Variants in CYSLTR2 observed in about 807,000 individuals in gnomAD.
CYSLTR2 encodes G-protein coupled receptor GPCR21.
For synonymous variants in CYSLTR2, 179 were observed against 160.8 expected (o/e 1.11, Z -0.86); for missense variants, 398 against 411.9 (o/e 0.97, Z 0.29).
rs1566111128 is a variant in CYSLTR2 at position 48,707,722 on chromosome 13, C to T, written c.905C>T (p.Pro302Leu). 2 of 1,612,606 alleles carry T rather than the reference C, an allele frequency of 1.2e-6. No individual in the cohort carries two copies. The highest frequency in any genetic ancestry group is 1.7e-6 in the Non-Finnish European group (2 of 1,178,964). ...GCAGCAGCCAATGCCTGCTTCAATC[C>T]TCTGCTCTATTACTTTGCTGGGGAG... ...ALAAANACFN[P>L]LLYYFAGENF... Residue 302 changes from proline (P) to leucine (L), a missense_variant, in exon 5 of 5, where the codon CCT becomes CTT. Coordinates refer to ENST00000682523, the MANE Select transcript of CYSLTR2 (RefSeq NM_001308476.3).
At position 48,676,906 on chromosome 13, in the gene CYSLTR2, G is replaced by A. The variant is rs866925324; in HGVS notation, c.-265-14306G>A. On this transcript the variant is annotated intron_variant, in intron 1 of 4. Coordinates refer to ENST00000682523, the MANE Select transcript of CYSLTR2 (RefSeq NM_001308476.3). ...GAAAATTCTTTGCAAACTATAAGAC[G>A]AAAATATGGGCTGTCAAAAGGCATA... Among the ~76,000 whole-genome samples the A allele has an allele frequency of 3.3e-5, 5 of 152,274 alleles. 1 individual carries two copies. The highest frequency in any genetic ancestry group is 6.8e-3 in the Middle Eastern group (2 of 294).
intron 3 of CYSLTR2, among the ~76,000 whole-genome samples, chr13:48,693,895 A>T (rs573865275): frequency 1.3e-5 from 2 of 152,344 alleles, no homozygotes; most frequent in African/African-American, 4.8e-5. Flanking sequence ...AAAGTAAACC[A>T]TCGTGTTTAT....
intron 1 of CYSLTR2, among the ~76,000 whole-genome samples, chr13:48,654,891 C>G (rs532549108): frequency 6.6e-6 from 1 of 152,110 alleles, no homozygotes; most frequent in Non-Finnish European, 1.5e-5. Flanking sequence ...AACAGATGAC[C>G]TAGGTCATTC....
intron 1 of CYSLTR2, among the ~76,000 whole-genome samples, chr13:48,672,521 T>G (rs1376539269): frequency 1.3e-5 from 2 of 152,114 alleles, no homozygotes; most frequent in Non-Finnish European, 2.9e-5. Flanking sequence ...TATTTCTGCC[T>G]TAATTTCATT....
At chr13:48,701,285 A>C (rs1954338966) in intron 4 of CYSLTR2, among the ~76,000 whole-genome samples, 1 of 152,222 alleles carries the variant, frequency 6.6e-6, no homozygotes, top group African/African-American at 2.4e-5. Context: ...CAAAACAGAG[A>C]TATAGACCAA....
chr13:48,694,073 A>G (rs972641145), intron 3 of CYSLTR2, among the ~76,000 whole-genome samples: 8 of 152,322 alleles, frequency 5.3e-5, no homozygotes, highest in African/African-American at 1.9e-4. Flanking sequence ...CCCATCAGAG[A>G]TGCAATGGTC....
intron 4 of CYSLTR2, among the ~76,000 whole-genome samples, chr13:48,700,434 A>G (rs1305896268): frequency 6.6e-6 from 1 of 152,240 alleles, no homozygotes; most frequent in Admixed American, 6.5e-5. Context: ...GATTATCTCC[A>G]TAGATGCAGA....
intron 1 of CYSLTR2, among the ~76,000 whole-genome samples, chr13:48,667,052 C>T (rs572202702): frequency 6.6e-6 from 1 of 152,302 alleles, no homozygotes; most frequent in Admixed American, 6.5e-5. Flanking sequence ...GTAGGTTTCA[C>T]AGGGCAAAGC....
chr13:48,676,850 T>C (rs1323607956), intron 1 of CYSLTR2, among the ~76,000 whole-genome samples: 21 of 152,250 alleles, frequency 1.4e-4, no homozygotes, highest in Non-Finnish European at 5.9e-5. Flanking sequence ...GTCTCAAGGA[T>C]AGCTAGTGGA....
At chr13:48,704,267 A>G (rs752699859) in intron 4 of CYSLTR2, among the ~76,000 whole-genome samples, 1 of 152,142 alleles carries the variant, frequency 6.6e-6, no homozygotes, top group Non-Finnish European at 1.5e-5. Context: ...GCCCACGCCT[A>G]TAATCTCACG....
At chr13:48,674,939 G>C (rs997747304) in intron 1 of CYSLTR2, among the ~76,000 whole-genome samples, 1 of 152,178 alleles carries the variant, frequency 6.6e-6, no homozygotes, top group Non-Finnish European at 1.5e-5. Context: ...GTTTGCCTGG[G>C]TATCACCAGC....
intron 1 of CYSLTR2, among the ~76,000 whole-genome samples, chr13:48,659,621 G>A (rs540747539): frequency 2.6e-5 from 4 of 152,312 alleles, no homozygotes; most frequent in African/African-American, 7.2e-5. Flanking sequence ...ATGTCATTTA[G>A]TTACCTTGAT....
intron 4 of CYSLTR2, among the ~76,000 whole-genome samples, 196 bp downstream of exon 4, chr13:48,696,822 C>A (rs532134488): frequency 6.6e-6 from 1 of 152,168 alleles, no homozygotes; most frequent in African/African-American, 2.4e-5. Context: ...CCTTAGCAAA[C>A]GGCACACCAG....
chr13:48,657,486 G>C (rs1410081782), intron 1 of CYSLTR2, among the ~76,000 whole-genome samples: 2 of 151,602 alleles, frequency 1.3e-5, no homozygotes, highest in African/African-American at 4.9e-5. Flanking sequence ...AGAAAGGAGA[G>C]AAAGGAGGGA....
chr13:48,700,555 A>G lies in CYSLTR2; in HGVS notation c.-2+3929A>G, dbSNP rs1304965816. 2.0e-5 allele frequency among the ~76,000 whole-genome samples: 3 copies of G among 152,230 alleles called. No homozygotes were observed. In the South Asian group the frequency reaches 6.2e-4, roughly 32 times the overall value. On this transcript the variant is annotated intron_variant, in intron 4 of 4. Coordinates refer to ENST00000682523, the MANE Select transcript of CYSLTR2 (RefSeq NM_001308476.3). ...GCTATTTATGACAAACCCACAGCCAATATCATACTGAATGGGCAAAAATTG... is the reference window on the plus strand; with the variant it reads ...GCTATTTATGACAAACCCACAGCCAGTATCATACTGAATGGGCAAAAATTG...
chr13:48,710,537 A>C lies in CYSLTR2; in HGVS notation c.*2679A>C, dbSNP rs539829844. 6.6e-5 allele frequency: 10 copies of C among 152,374 alleles called. No homozygotes were observed. Among genetic ancestry groups the C allele is most frequent in the Non-Finnish European group, 1.3e-4 (9 of 68,040 alleles). The allele number at this position is 152,374 out of a possible 1,614,324, so 9.4% of individuals were successfully genotyped here. ...GAAGCTGTAAAGTGCTTCCTCTAAC[A>C]GAAAATGTGAAAGTTCTTGACTTAA... is the stretch of plus-strand genomic sequence containing the variant. On this transcript the variant is annotated 3_prime_UTR_variant, in exon 5 of 5. Transcript: ENST00000682523.
chr13:48,662,162 C>G (rs978884002), intron 1 of CYSLTR2, among the ~76,000 whole-genome samples: 1 of 152,150 alleles, frequency 6.6e-6, no homozygotes, highest in African/African-American at 2.4e-5. Context: ...CCATTTCCAC[C>G]CTTGTTGCCA....
At chr13:48,673,761 C>T (rs1017181504) in intron 1 of CYSLTR2, among the ~76,000 whole-genome samples, 5 of 151,962 alleles carry the variant, frequency 3.3e-5, no homozygotes, top group Non-Finnish European at 4.4e-5. Flanking sequence ...TAGCTGGTAC[C>T]GGTTTTTCTT....
At chr13:48,683,989 C>T (rs1019562144) in intron 1 of CYSLTR2, among the ~76,000 whole-genome samples, 5 of 152,144 alleles carry the variant, frequency 3.3e-5, no homozygotes, top group Admixed American at 2.0e-4. Context: ...CATGAGCATA[C>T]CTCATTGCCA....
Sources: gnomAD v4.1 joint callset for allele counts (sites outside exome capture counted in the v4.1 genomes callset) on GRCh38, gnomAD v4.1.1 for gene constraint, MANE v1.5 for transcripts, NCBI Gene and HGNC (gene_info 2026-07-23, HGNC 2026-07-21) for gene names.